Variants in ELF2 observed in about 807,000 individuals in gnomAD.
ELF2 encodes ETS-related transcription factor Elf-2.
In ELF2, 11 loss-of-function variants were observed where a neutral mutation model predicts 54.8. The observed-to-expected ratio is 0.20, with a 90% confidence interval of 0.13 to 0.33. The LOEUF is 0.33. ELF2 is among the 10% of genes least tolerant of loss of function. The pLI is 1.00. For missense variants in ELF2, 513 were observed against 703.0 expected (o/e 0.73, Z 3.06); for synonymous variants, 203 against 245.1 (o/e 0.83, Z 1.61).
At chr4:139,107,411 G>A (rs1734522005) in intron 4 of ELF2, among the ~76,000 whole-genome samples, 1 of 152,092 alleles carries the variant, frequency 6.6e-6, no homozygotes, top group African/African-American at 2.4e-5. Flanking sequence ...AACAATAAAT[G>A]TTTGAGGTGA....
At chr4:139,126,554 G>T (rs1736940926) in intron 3 of ELF2, among the ~76,000 whole-genome samples, 2 of 152,078 alleles carry the variant, frequency 1.3e-5, no homozygotes, top group Non-Finnish European at 2.9e-5. Context: ...ATTGGGAACA[G>T]AAAAGATTCT....
chr4:139,176,201 C>T (rs1240587952), intron 1 of ELF2, among the ~76,000 whole-genome samples: 2 of 152,188 alleles, frequency 1.3e-5, no homozygotes, highest in Non-Finnish European at 2.9e-5. Flanking sequence ...TTTTGTTTTG[C>T]TTAAGAAACA....
chr4:139,152,449 C>A (rs530282585), intron 1 of ELF2, among the ~76,000 whole-genome samples: 2 of 152,034 alleles, frequency 1.3e-5, no homozygotes, highest in South Asian at 4.2e-4. Flanking sequence ...ATCCTCCCAC[C>A]TCTGCACAAG....
At chr4:139,148,822 G>C (rs1739543050) in intron 1 of ELF2, among the ~76,000 whole-genome samples, 1 of 152,068 alleles carries the variant, frequency 6.6e-6, no homozygotes, top group Non-Finnish European at 1.5e-5. Context: ...TTTCCAAAGT[G>C]GCTACACCAT....
chr4:139,161,746 G>A (rs1468855267), intron 1 of ELF2, among the ~76,000 whole-genome samples: 3 of 150,220 alleles, frequency 2.0e-5, no homozygotes, highest in Non-Finnish European at 3.0e-5. Flanking sequence ...TGAGACGGGC[G>A]AATCACCTGA....
intron 4 of ELF2, among the ~76,000 whole-genome samples, chr4:139,115,545 A>G (rs1735620863): frequency 6.6e-6 from 1 of 151,628 alleles, no homozygotes; most frequent in African/African-American, 2.4e-5. Flanking sequence ...GCCCCCTGAC[A>G]TGGATTTCTA....
intron 3 of ELF2, among the ~76,000 whole-genome samples, chr4:139,130,240 A>G (rs1263840603): frequency 6.7e-6 from 1 of 148,316 alleles, no homozygotes; most frequent in Admixed American, 6.7e-5. Flanking sequence ...AAACAACAAT[A>G]AAAAAAAAAT....
rs779614478 is a variant in ELF2 at position 139,067,807 on chromosome 4, C to A, written c.527-37G>T. The A allele has an allele frequency of 2.6e-6, 4 of 1,535,036 alleles. No individual in the cohort carries two copies. In the East Asian group the frequency reaches 6.8e-5, roughly 26 times the overall value. ...AGATATTGAAACCATACGTTGAAAA[C>A]AAGAAAAATATGAGAGGCACGATTA... is the stretch of plus-strand genomic sequence containing the variant. On this transcript the variant is annotated intron_variant, in intron 6 of 9. Transcript: ENST00000686138.
intron 4 of ELF2, chr4:139,084,222 A>T (rs1422835014): frequency 6.2e-7 from 1 of 1,612,240 alleles, no homozygotes; most frequent in Non-Finnish European, 8.5e-7. Context: ...GCTGCTTCAC[A>T]TTGACTTACA....
At chr4:139,070,338 T>C (rs1729338505) in intron 6 of ELF2, among the ~76,000 whole-genome samples, 1 of 151,532 alleles carries the variant, frequency 6.6e-6, no homozygotes, top group Non-Finnish European at 1.5e-5. Context: ...TCACCCAGGC[T>C]GGAGTACACT....
At chr4:139,169,165 T>C (rs569073449) in intron 1 of ELF2, among the ~76,000 whole-genome samples, 1 of 151,630 alleles carries the variant, frequency 6.6e-6, no homozygotes, top group South Asian at 2.1e-4. Flanking sequence ...CTGGCCAAAA[T>C]GGTGAAACCC....
chr4:139,083,109 G>A (rs1393548906), intron 4 of ELF2, among the ~76,000 whole-genome samples: 5 of 151,830 alleles, frequency 3.3e-5, no homozygotes, highest in African/African-American at 9.7e-5. Context: ...TCAGAGAGCA[G>A]ATTGGAACCA....
chr4:139,083,151 T>C (rs1731382751), intron 4 of ELF2, among the ~76,000 whole-genome samples: 1 of 148,668 alleles, frequency 6.7e-6, no homozygotes, highest in Non-Finnish European at 1.5e-5. Context: ...TTCTGTCCTT[T>C]CCGAGGCGCT....
At chr4:139,154,409 C>G (rs1176199856) in intron 1 of ELF2, among the ~76,000 whole-genome samples, 1 of 146,566 alleles carries the variant, frequency 6.8e-6, no homozygotes, top group Non-Finnish European at 1.5e-5. Context: ...GTCATTTGAT[C>G]TGTTATTATC....
At chr4:139,167,915 T>C (rs1035520382) in intron 1 of ELF2, among the ~76,000 whole-genome samples, 1 of 152,170 alleles carries the variant, frequency 6.6e-6, no homozygotes, top group African/African-American at 2.4e-5. Flanking sequence ...TCTTAAGGCG[T>C]AGCTTTTTCA....
intron 7 of ELF2, among the ~76,000 whole-genome samples, chr4:139,062,730 A>T (rs1421872603): frequency 6.6e-6 from 1 of 152,224 alleles, no homozygotes; most frequent in African/African-American, 2.4e-5. Context: ...AAAATTCACC[A>T]AAAGGGACTT....
intron 4 of ELF2, among the ~76,000 whole-genome samples, chr4:139,107,062 AATAT>A (rs1734489645): frequency 6.6e-6 from 1 of 152,056 alleles, no homozygotes; most frequent in Non-Finnish European, 1.5e-5. Flanking sequence ...ACTATATTTC[AATAT>A]ATATGGTTCC....
At chr4:139,162,532 GAAATAAAT>G (rs951622087) in intron 1 of ELF2, among the ~76,000 whole-genome samples, 1 of 152,032 alleles carries the variant, frequency 6.6e-6, no homozygotes, top group East Asian at 1.9e-4. Flanking sequence ...CTCCGTCTCA[GAAATAAAT>G]AAATAAATAA....
At chr4:139,111,426 G>A (rs1447946498) in intron 4 of ELF2, among the ~76,000 whole-genome samples, 2 of 150,968 alleles carry the variant, frequency 1.3e-5, no homozygotes, top group Non-Finnish European at 2.9e-5. Context: ...ACAGCTCAAT[G>A]CAACCTTGAA....
Sources: gnomAD v4.1 joint callset for allele counts (sites outside exome capture counted in the v4.1 genomes callset) on GRCh38, gnomAD v4.1.1 for gene constraint, MANE v1.5 for transcripts, NCBI Gene and HGNC (gene_info 2026-07-23, HGNC 2026-07-21) for gene names.